The following RC3H1 variants were observed in gnomAD, a reference collection of about 807,000 sequenced individuals.
RC3H1 encodes the protein roquin-1.
Under a neutral mutation model 138.2 loss-of-function variants are expected in RC3H1, and 50 were observed. The ratio of observed to expected loss-of-function variants is 0.36; its 90% CI spans 0.29 to 0.46. The LOEUF (loss-of-function observed/expected upper bound fraction) is 0.46, where lower values mean the gene tolerates loss of function less well. Ranked by LOEUF, RC3H1 falls within the 20% of genes least tolerant of loss-of-function variation. The pLI is 1.00. For synonymous variants in RC3H1, 462 were observed against 489.1 expected, an observed-to-expected ratio of 0.94 and a Z score of 0.73; for missense variants, 1,031 against 1,388.1, an observed-to-expected ratio of 0.74 and a Z score of 4.09.
In RC3H1 at chr1:173,941,305, G is replaced by A. The variant is rs769386650; in HGVS notation, c.3211C>T (p.Gln1071Ter). The A allele has an allele frequency of 6.2e-7, 1 of 1,613,686 alleles. No individual in the cohort carries two copies. Reference sequence around the variant, plus strand: ...AGGTCCTCAGCCGGAACCTTGTTTTGTGGTTCTGGTTGTCCATTTTCTGCT... The same window carrying A: ...AGGTCCTCAGCCGGAACCTTGTTTTATGGTTCTGGTTGTCCATTTTCTGCT... ...KQAENGQPEP[Q>*]NKVPAEDLTL... The change falls in exon 19 of 20, where the codon CAA becomes TAA. Residue 1071 changes from glutamine to a stop codon, truncating the protein, a stop_gained. Coordinates refer to ENST00000367696, the MANE Select transcript of RC3H1 (RefSeq NM_172071.4). LOFTEE classifies it high-confidence loss of function.
Position 173,964,006 on chromosome 1 carries a change from C to T in RC3H1, c.1798G>A (p.Ala600Thr). The T allele has an allele frequency of 6.2e-7, 1 of 1,614,130 alleles. No individual in the cohort carries two copies. Among genetic ancestry groups the T allele is most frequent in the Admixed American group, 1.7e-5 (1 of 60,020 alleles). Residue 600 changes from alanine to threonine, a missense_variant, in exon 11 of 20, where the codon GCT becomes ACT. Physicochemically the swap from Ala to Thr is moderately conservative, Grantham distance 58 (BLOSUM62 0). Around this residue, in one of 7 missense-constraint regions of RC3H1, gnomAD observed 716 missense variants for 837.9 expected, o/e 0.85. Coordinates refer to ENST00000367696, the MANE Select transcript of RC3H1 (RefSeq NM_172071.4). ...DVYYQDPRGA[A>T]PPFEPAPYQQ... The stretch of plus-strand genomic sequence containing the variant: ...TAAGGTGCTGGTTCAAATGGCGGAG[C>T]TGCTCCTCGAGGATCCTGATAATAA...
chr1:173,968,943 C>G, intron 9 of RC3H1, among the ~76,000 whole-genome samples: 1 of 150,432 alleles, frequency 6.6e-6, no homozygotes. Context: ...ACTGCAACCT[C>G]CACCTCCCGG....
At chr1:173,984,420 C>G (rs1197445734) in intron 3 of RC3H1, 79 bp downstream of exon 3, 5 of 1,382,734 alleles carry the variant, frequency 3.6e-6, no homozygotes, top group Non-Finnish European at 3.9e-6. Context: ...GGGAATTCCT[C>G]AGGACTTATA....
chr1:173,990,819 G>A (rs1661253210), intron 2 of RC3H1, among the ~76,000 whole-genome samples: 1 of 151,886 alleles, frequency 6.6e-6, no homozygotes, highest in African/African-American at 2.4e-5. Flanking sequence ...AGCCGGGATG[G>A]TCTTGATCTC....
At chr1:173,950,219 C>T (rs1361478347) in intron 14 of RC3H1, among the ~76,000 whole-genome samples, 1 of 151,870 alleles carries the variant, frequency 6.6e-6, no homozygotes, top group Non-Finnish European at 1.5e-5. Context: ...CATGAAAATG[C>T]AAGCTGAAGT....
chr1:173,952,163 CAAAAA>C (rs74263815), intron 13 of RC3H1, 25 bp from the exon 14 acceptor site: 2 of 945,736 alleles, frequency 2.1e-6, no homozygotes, highest in Non-Finnish European at 1.3e-6. Flanking sequence ...AGAAAAAAAA[CAAAAA>C]AAAAAAAAAG....
At chr1:173,992,701 G>C (rs12754931) in intron 2 of RC3H1, 54 bp downstream of exon 2, 36,917 of 324,988 alleles carry the variant, frequency 0.11, 434 homozygotes, top group Non-Finnish European at 0.13. Context: ...CACACACACA[G>C]AGAGAGAGAG....
Position 173,952,131 on chromosome 1 carries a change from T to C in RC3H1, c.2378A>G (p.Asp793Gly). 1 of 1,437,662 alleles carries C rather than the reference T, an allele frequency of 7.0e-7. No individual in the cohort carries two copies. The highest frequency in any genetic ancestry group is 9.2e-7 in the Non-Finnish European group (1 of 1,092,646). 89.1% of individuals were successfully genotyped at this position (1,437,662 alleles called of 1,614,324 possible). The change falls in exon 14 of 20, where the codon GAT becomes GGT. Residue 793 changes from aspartate to glycine, a missense_variant. By Grantham distance (94) the Asp-to-Gly change is moderately conservative (BLOSUM62 -1). Transcript: ENST00000367696. ...TTTCCCAGCTACCTTCAAGTCTTCA[T>C]CCAAAAACTACAGATGGAGAAAGAA... ...PPTFHPEEFL[D>G]EDLKVAGKYK...
rs1214588852 is a variant in RC3H1, at chr1:173,983,653, C to T, written c.357G>A (p.Val119=). The change falls in exon 4 of 20, where the codon GTG becomes GTA. Residue 119 remains valine, a synonymous_variant. Coordinates refer to ENST00000367696, the MANE Select transcript of RC3H1 (RefSeq NM_172071.4). ...CACTCTGAGTAGTGCTGTTCAGACC[C>T]ACTCCTTTAAAAGAGTAAAGAAGTT... ...YLKPLSSARG[V]GLNSTTQSVL... 4 of 1,613,792 alleles carry T rather than the reference C, an allele frequency of 2.5e-6. No individual in the cohort carries two copies. The African/African-American group carries it at 4.0e-5, about 16-fold the overall frequency.
chr1:173,938,582 T>C lies in RC3H1; in HGVS notation c.*139A>G, dbSNP rs900015649. ...AGGGTTTGTTTTTAGTAGTGGTGTT[T>C]GTGCACATTGCCTCTGGTGAATTTC... On this transcript the variant is annotated 3_prime_UTR_variant, in exon 20 of 20. Transcript: ENST00000367696. The C allele has an allele frequency of 1.6e-5, 9 of 553,820 alleles. No homozygotes were observed. The highest frequency in any genetic ancestry group is 2.8e-5 in the Non-Finnish European group (9 of 319,366). 34.3% of individuals were successfully genotyped at this position (553,820 alleles called of 1,614,324 possible).
At chr1:174,000,896 G>C (rs1174221886) in intron 1 of RC3H1, among the ~76,000 whole-genome samples, 1 of 152,124 alleles carries the variant, frequency 6.6e-6, no homozygotes, top group Non-Finnish European at 1.5e-5. Flanking sequence ...GGTTTTTCCA[G>C]CAATAATATC....
At chr1:173,962,135 C>G (rs748429983) in intron 11 of RC3H1, 40 bp from the exon 12 acceptor site, 8 of 1,528,632 alleles carry the variant, frequency 5.2e-6, no homozygotes, top group Non-Finnish European at 7.1e-6. Flanking sequence ...AAATAATGAG[C>G]CAATTTAGTT....
rs148326114 is a variant in RC3H1 at position 173,972,435 on chromosome 1, C to A, written c.1221+74G>T. 3.1e-3 allele frequency: 3,015 copies of A among 973,740 alleles called. 12 individuals are homozygous for A. The highest frequency in any genetic ancestry group is 2.7e-3 in the Non-Finnish European group (1,660 of 606,256). The allele number at this position is 973,740 out of a possible 1,614,324, so 60.3% of individuals were successfully genotyped here. On this transcript the variant is annotated intron_variant, in intron 8 of 19. Coordinates refer to ENST00000367696, the MANE Select transcript of RC3H1 (RefSeq NM_172071.4). ...TTTTGGCTTTGTATCTGTAGGTATA[C>A]CCACAGTGGTTTACCTATAGTTTTA... is the stretch of plus-strand genomic sequence containing the variant.
Position 173,965,079 on chromosome 1 carries a change from A to G in RC3H1, c.1376T>C (p.Leu459Ser). ...MNKRLVPRRP[L>S]SASLGQLNEV... The stretch of plus-strand genomic sequence containing the variant: ...ATTAAGTTGACCCAAAGAGGCACTC[A>G]AGGGTCTTCTCGGAACCAGGCGCTT... Residue 459 changes from leucine (L) to serine (S), a missense_variant, in exon 10 of 20, where the codon TTG becomes TCG. Physicochemically the swap from Leu to Ser is moderately radical, Grantham distance 145. Around this residue, in one of 7 missense-constraint regions of RC3H1, gnomAD observed 716 missense variants for 837.9 expected, o/e 0.85. Transcript: ENST00000367696. 1 of 1,614,188 alleles carries G rather than the reference A, an allele frequency of 6.2e-7. No homozygotes were observed. The highest frequency in any genetic ancestry group is 8.5e-7 in the Non-Finnish European group (1 of 1,179,994).
chr1:174,016,032 C>T (rs1661857232), intron 1 of RC3H1: 1 of 151,934 alleles, frequency 6.6e-6, no homozygotes, highest in Non-Finnish European at 1.5e-5. Context: ...GAAATCCCAT[C>T]TCTACTGAAA....
At chr1:173,959,998 C>T (rs1659799655) in intron 13 of RC3H1, among the ~76,000 whole-genome samples, 1 of 149,152 alleles carries the variant, frequency 6.7e-6, no homozygotes, top group Admixed American at 6.8e-5. Flanking sequence ...ATCTCAGTTA[C>T]TCAGGAGGCT....
At chr1:173,959,265 G>A (rs1022844317) in intron 13 of RC3H1, among the ~76,000 whole-genome samples, 1 of 151,062 alleles carries the variant, frequency 6.6e-6, no homozygotes, top group Non-Finnish European at 1.5e-5. Context: ...TGAATAGAAG[G>A]GTCAATACAT....
In RC3H1 at chr1:173,944,160, G is replaced by A. The variant is rs1436803779; in HGVS notation, c.2962-545C>T. On this transcript the variant is annotated intron_variant, in intron 17 of 19. Coordinates refer to ENST00000367696, the MANE Select transcript of RC3H1 (RefSeq NM_172071.4). ...TGCACTCCAGCCTGGGCAACAGAGT[G>A]AGACTTTGTCTCTCAAAAAAAAAAA... 5.6e-5 allele frequency among the ~76,000 whole-genome samples: 8 copies of A among 143,162 alleles called. No homozygotes were observed. In the Admixed American group the frequency reaches 5.6e-4, roughly 10 times the overall value. 93.9% of individuals were successfully genotyped at this position (143,162 alleles called of 152,430 possible). A position where few individuals can be genotyped will look rare whatever the true frequency, so the allele number is the denominator to read the frequency against.
intron 5 of RC3H1, among the ~76,000 whole-genome samples, chr1:173,981,458 T>C (rs563783384): frequency 5.9e-5 from 9 of 152,354 alleles, no homozygotes; most frequent in Admixed American, 5.9e-4. Context: ...TGTGCTGGAA[T>C]GAAATCCAAA....
Sources: gnomAD v4.1 joint callset for allele counts (sites outside exome capture counted in the v4.1 genomes callset) on GRCh38, gnomAD v4.1.1 for gene constraint, gnomAD v4.1.1 regional missense constraint, MANE v1.5 for transcripts, NCBI Gene and HGNC (gene_info 2026-07-23, HGNC 2026-07-21) for gene names.